Variants in KCNIP1 observed in about 807,000 individuals in gnomAD.
KCNIP1 encodes A-type potassium channel modulatory protein KCNIP1.
Under a neutral mutation model 33.0 loss-of-function variants are expected in KCNIP1, and 18 were observed. That is an observed-to-expected ratio of 0.55 (90% CI 0.38 to 0.81). The LOEUF (loss-of-function observed/expected upper bound fraction) is 0.81, where lower values mean the gene tolerates loss of function less well. Ranked by LOEUF, KCNIP1 falls within the 30% of genes least tolerant of loss-of-function variation. KCNIP1 has a pLI of 0.00. For missense variants in KCNIP1, 238 were observed against 271.6 expected (o/e 0.88, Z 0.87); for synonymous variants, 93 against 98.3 (o/e 0.95, Z 0.32).
In KCNIP1 at chr5:170,698,143, C is replaced by T. The variant is rs539616461; in HGVS notation, c.62-20615C>T. On this transcript the variant is annotated intron_variant, in intron 1 of 7. Transcript: ENST00000328939. ...GACCTAGAAGAGGGGGCCAGAAAACCGCCATGTGGTAAGCACTGCCGGGTA... is the reference window on the plus strand; with the variant it reads ...GACCTAGAAGAGGGGGCCAGAAAACTGCCATGTGGTAAGCACTGCCGGGTA... Among the ~76,000 whole-genome samples, 14 of 152,272 alleles carry T rather than the reference C, an allele frequency of 9.2e-5. No individual in the cohort carries two copies. In the South Asian group the frequency reaches 1.0e-3, roughly 11 times the overall value.
At chr5:170,361,603 C>T (rs1292189000) in intron 1 of KCNIP1, among the ~76,000 whole-genome samples, 2 of 152,094 alleles carry the variant, frequency 1.3e-5, no homozygotes, top group Non-Finnish European at 2.9e-5. Context: ...AACCTGATGG[C>T]CTAAGCTACC....
chr5:170,665,574 CAGCTT>C (rs1761673366), intron 1 of KCNIP1, among the ~76,000 whole-genome samples: 1 of 152,232 alleles, frequency 6.6e-6, no homozygotes, highest in Non-Finnish European at 1.5e-5. Context: ...CCATTGGTAA[CAGCTT>C]AGGTTAACAC....
chr5:170,662,440 A>G (rs999071296), intron 1 of KCNIP1, among the ~76,000 whole-genome samples: 1 of 152,146 alleles, frequency 6.6e-6, no homozygotes, highest in African/African-American at 2.4e-5. Context: ...GTTTAACCAC[A>G]AGGCCTTTCC....
chr5:170,511,482 C>T (rs904156342), intron 1 of KCNIP1, among the ~76,000 whole-genome samples: 9 of 152,222 alleles, frequency 5.9e-5, no homozygotes, highest in Non-Finnish European at 1.2e-4. Context: ...TATCCATGGT[C>T]ACTGGCATTC....
intron 1 of KCNIP1, among the ~76,000 whole-genome samples, chr5:170,560,733 A>G (rs1016299671): frequency 2.6e-5 from 4 of 151,230 alleles, no homozygotes; most frequent in African/African-American, 9.7e-5. Flanking sequence ...CCCTCTATGT[A>G]TGTTTGTGTC....
chr5:170,484,740 G>A (rs1174540966), intron 1 of KCNIP1, among the ~76,000 whole-genome samples: 4 of 147,674 alleles, frequency 2.7e-5, no homozygotes, highest in African/African-American at 1.0e-4. Context: ...TCTTAGCCAG[G>A]CTCCTTTTCG....
At chr5:170,709,845 G>T (rs1170523074) in intron 1 of KCNIP1, among the ~76,000 whole-genome samples, 1 of 151,802 alleles carries the variant, frequency 6.6e-6, no homozygotes, top group East Asian at 1.9e-4. Flanking sequence ...TGTCTCTTAT[G>T]CAAGCTTATC....
chr5:170,633,422 C>T (rs1192614355), intron 1 of KCNIP1, among the ~76,000 whole-genome samples: 1 of 151,206 alleles, frequency 6.6e-6, no homozygotes, highest in East Asian at 2.0e-4. Context: ...GGAGTAAGAC[C>T]TGAAGTTGGG....
chr5:170,536,137 G>A (rs1399891413), intron 1 of KCNIP1, among the ~76,000 whole-genome samples: 3 of 152,240 alleles, frequency 2.0e-5, no homozygotes, highest in Non-Finnish European at 2.9e-5. Context: ...CATCAATGGA[G>A]ATGACGAAAC....
chr5:170,567,331 A>C (rs2113473897), intron 1 of KCNIP1, among the ~76,000 whole-genome samples: 1 of 152,294 alleles, frequency 6.6e-6, no homozygotes, highest in Middle Eastern at 3.4e-3. Context: ...CTGGGGAGAA[A>C]CCCTGATCTA....
chr5:170,733,543 G>A (rs1403822182), intron 6 of KCNIP1, among the ~76,000 whole-genome samples: 1 of 152,168 alleles, frequency 6.6e-6, no homozygotes, highest in Admixed American at 6.5e-5. Context: ...AGATGGACAG[G>A]GTAGCAGGGA....
At chr5:170,499,922 C>A (rs911376742), upstream of KCNIP1, among the ~76,000 whole-genome samples, 1 of 152,178 alleles carries the variant, frequency 6.6e-6, no homozygotes, top group Admixed American at 6.5e-5. Context: ...GAAGGCCTTG[C>A]GTCCAGAACT....
intron 1 of KCNIP1, among the ~76,000 whole-genome samples, chr5:170,563,640 T>TG (rs56899448): frequency 0.39 from 54,216 of 139,248 alleles, 9,807 homozygotes; most frequent in East Asian, 0.55. Flanking sequence ...TTGTTTTTTT[T>TG]TTTGTTTGTT....
At chr5:170,710,186 C>G (rs573142978) in intron 1 of KCNIP1, among the ~76,000 whole-genome samples, 63 of 152,312 alleles carry the variant, frequency 4.1e-4, no homozygotes, top group African/African-American at 1.1e-3. Context: ...ATTCTTTTCT[C>G]TCTTGTGCAT....
At chr5:170,386,962 T>A (rs768137323) in intron 1 of KCNIP1, among the ~76,000 whole-genome samples, 1 of 151,906 alleles carries the variant, frequency 6.6e-6, no homozygotes, top group Non-Finnish European at 1.5e-5. Context: ...GGAGTGTGAG[T>A]CTTGACAAAG....
At position 170,703,891 on chromosome 5, in the gene KCNIP1, GAAAACAAAAAT is replaced by G. The variant is rs1157037093; in HGVS notation, c.62-14853_62-14843del. Among the ~76,000 whole-genome samples the G allele has an allele frequency of 1.6e-4, 22 of 137,388 alleles. 5 individuals are homozygous for G. The highest frequency in any genetic ancestry group is 9.6e-4 in the Admixed American group (12 of 12,544). The allele number at this position is 137,388 out of a possible 152,430, so 90.1% of individuals were successfully genotyped here. ...GACATCACAGAGGGAGTGAGATACC[GAAAACAAAAAT>G]AAAACAAAAATAAGCACAAGACACA... On this transcript the variant is annotated intron_variant, in intron 1 of 7. Transcript: ENST00000328939.
At chr5:170,412,615 G>A (rs1755224691) in intron 1 of KCNIP1, among the ~76,000 whole-genome samples, 1 of 152,150 alleles carries the variant, frequency 6.6e-6, no homozygotes, top group South Asian at 2.1e-4. Flanking sequence ...ACAAAAACCA[G>A]CAAAATGCCT....
At chr5:170,456,086 A>G (rs902026319) in intron 1 of KCNIP1, among the ~76,000 whole-genome samples, 3 of 152,090 alleles carry the variant, frequency 2.0e-5, no homozygotes, top group African/African-American at 7.2e-5. Flanking sequence ...TAGACTGGAC[A>G]AAGAAAATGT....
rs1763837899 is a variant in KCNIP1, at chr5:170,721,897, G to A, written c.321G>A (p.Lys107=). The change falls in exon 4 of 8, where the codon AAG becomes AAA. Residue 107 remains lysine, a synonymous_variant. Coordinates refer to ENST00000328939, the MANE Select transcript of KCNIP1 (RefSeq NM_014592.4). ...ACACCACTCAGACAGGCTCCGTGAA[G>A]TTCGAGGTACGCTCATCTGGGGTCC... ...AFDTTQTGSV[K]FEDFVTALSI... is the part of the protein sequence containing the mutation. 6.2e-7 allele frequency: 1 copy of A among 1,614,006 alleles called. No homozygotes were observed.
Sources: allele counts gnomAD v4.1 joint callset (sites outside exome capture counted in the v4.1 genomes callset), GRCh38; gene constraint gnomAD v4.1.1; transcripts MANE v1.5; gene names NCBI Gene and HGNC (gene_info 2026-07-23, HGNC 2026-07-21).